DGKI: variants seen among roughly 807,000 people sequenced by gnomAD.
DGKI encodes diacylglycerol kinase iota, also known as DAG kinase iota.
A neutral mutation model predicts 147.5 loss-of-function variants in DGKI; 55 were observed. The ratio of observed to expected loss-of-function variants is 0.37; its 90% confidence interval spans 0.30 to 0.47. The LOEUF is 0.47. DGKI is among the 20% of genes least tolerant of loss of function. The pLI is 1.00. For missense variants in DGKI, 1,007 were observed against 1,323.8 expected (o/e 0.76, Z 3.71); for synonymous variants, 469 against 477.1 (o/e 0.98, Z 0.22).
At chr7:137,747,088 T>A (rs1371537037) in intron 1 of DGKI, among the ~76,000 whole-genome samples, 1 of 152,168 alleles carries the variant, frequency 6.6e-6, no homozygotes, top group Non-Finnish European at 1.5e-5. Flanking sequence ...TAATTTAGGT[T>A]TTTTTAAAAA....
At chr7:137,753,299 C>T (rs1191636263) in intron 1 of DGKI, among the ~76,000 whole-genome samples, 2 of 152,188 alleles carry the variant, frequency 1.3e-5, no homozygotes, top group Non-Finnish European at 2.9e-5. Context: ...GACAGAGAGT[C>T]TCTGGTGCTA....
chr7:137,397,916 A>G (rs1811611011), intron 30 of DGKI, among the ~76,000 whole-genome samples: 3 of 152,190 alleles, frequency 2.0e-5, no homozygotes, highest in Admixed American at 2.0e-4. Context: ...ATATACATCA[A>G]ATGACTATAG....
At chr7:137,505,361 A>C (rs777970841) in intron 21 of DGKI, among the ~76,000 whole-genome samples, 17 of 152,110 alleles carry the variant, frequency 1.1e-4, no homozygotes, top group Non-Finnish European at 1.8e-4. Flanking sequence ...CACCAGATCA[A>C]TAATCAGATC....
chr7:137,692,483 T>G (rs184540737), intron 1 of DGKI, among the ~76,000 whole-genome samples: 1 of 152,314 alleles, frequency 6.6e-6, no homozygotes, highest in East Asian at 1.9e-4. Flanking sequence ...AAAAAATTTT[T>G]TTAAGAGAGG....
intron 30 of DGKI, among the ~76,000 whole-genome samples, chr7:137,399,316 C>G (rs1271284769): frequency 2.0e-5 from 3 of 151,770 alleles, no homozygotes; most frequent in Non-Finnish European, 4.4e-5. Context: ...TTGTATCCTT[C>G]TAGCACCTAC....
chr7:137,495,184 A>G (rs1815916570), intron 21 of DGKI, among the ~76,000 whole-genome samples: 1 of 152,086 alleles, frequency 6.6e-6, no homozygotes, highest in South Asian at 2.1e-4. Context: ...CACAAGCTAG[A>G]AAAACAGGAA....
rs181399447 is a variant in DGKI at position 137,503,820 on chromosome 7, A to G, written c.2249-16131T>C. On this transcript the variant is annotated intron_variant, in intron 21 of 32. Coordinates refer to ENST00000614521, the MANE Select transcript of DGKI (RefSeq NM_001321708.2). Reference sequence around the variant, plus strand: ...TGAAGATTAAGTCCTACCTATAAAAACCATCCTATATTCACTCCTCTAAGC... The same window carrying G: ...TGAAGATTAAGTCCTACCTATAAAAGCCATCCTATATTCACTCCTCTAAGC... Among the ~76,000 whole-genome samples the G allele has an allele frequency of 3.6e-3, 545 of 152,188 alleles. 4 individuals are homozygous for G. Among genetic ancestry groups the G allele is most frequent in the Admixed American group, 5.0e-3 (76 of 15,268 alleles).
At chr7:137,612,908 G>T (rs1035797103) in intron 8 of DGKI, among the ~76,000 whole-genome samples, 1 of 152,002 alleles carries the variant, frequency 6.6e-6, no homozygotes, top group Non-Finnish European at 1.5e-5. Flanking sequence ...AACAGCAGTC[G>T]CCCCCTAGAC....
chr7:137,473,013 T>TACA (rs1815040004), intron 23 of DGKI, among the ~76,000 whole-genome samples: 1 of 152,072 alleles, frequency 6.6e-6, no homozygotes, highest in African/African-American at 2.4e-5. Context: ...TACAGAAAAT[T>TACA]GGATGTTATT....
chr7:137,661,180 G>A (rs181924981), intron 3 of DGKI, among the ~76,000 whole-genome samples: 104 of 152,150 alleles, frequency 6.8e-4, no homozygotes, highest in Admixed American at 4.8e-3. Context: ...TGCCCACCTC[G>A]ACAGGTGGAA....
At chr7:137,432,749 G>T (rs920045952) in intron 28 of DGKI, among the ~76,000 whole-genome samples, 20 of 152,132 alleles carry the variant, frequency 1.3e-4, no homozygotes, top group African/African-American at 4.8e-4. Context: ...GTACTACCTT[G>T]CCTGCTCATC....
chr7:137,480,660 A>G (rs1236003985), intron 23 of DGKI, among the ~76,000 whole-genome samples: 1 of 152,124 alleles, frequency 6.6e-6, no homozygotes, highest in East Asian at 1.9e-4. Flanking sequence ...AAGGCTTTTC[A>G]ATAATGTTTT....
At chr7:137,637,895 T>G (rs1465696779) in intron 6 of DGKI, among the ~76,000 whole-genome samples, 2 of 152,210 alleles carry the variant, frequency 1.3e-5, no homozygotes, top group African/African-American at 4.8e-5. Flanking sequence ...CAATATTTCA[T>G]GTCTGTTTGA....
intron 7 of DGKI, among the ~76,000 whole-genome samples, chr7:137,622,195 G>A (rs1387261261): frequency 6.8e-6 from 1 of 147,476 alleles, no homozygotes; most frequent in Non-Finnish European, 1.5e-5. Flanking sequence ...ACATGTAGGA[G>A]GCTAGAGATA....
chr7:137,622,004 A>G (rs1455225340), intron 7 of DGKI, among the ~76,000 whole-genome samples: 1 of 152,238 alleles, frequency 6.6e-6, no homozygotes, highest in Non-Finnish European at 1.5e-5. Context: ...TTCATTCAAT[A>G]ACTAGGATGG....
chr7:137,419,444 C>A (rs962071216), intron 28 of DGKI, among the ~76,000 whole-genome samples: 1 of 152,190 alleles, frequency 6.6e-6, no homozygotes, highest in African/African-American at 2.4e-5. Flanking sequence ...ATAGCCTTTG[C>A]TGTATTTACC....
rs374412162 is a variant in DGKI at position 137,721,011 on chromosome 7, T to C, written c.402-31009A>G. On this transcript the variant is annotated intron_variant, in intron 1 of 32. Transcript: ENST00000614521. ...TATGAATAGACTTACATAAAACAAA[T>C]CATAGGATACCTTTTTGCATAACAA... Among the ~76,000 whole-genome samples the C allele has an allele frequency of 1.9e-4, 29 of 152,328 alleles. No homozygotes were observed. In the South Asian group the frequency reaches 5.8e-3, roughly 31 times the overall value.
At chr7:137,615,728 T>C (rs1820509059) in intron 8 of DGKI, among the ~76,000 whole-genome samples, 2 of 152,264 alleles carry the variant, frequency 1.3e-5, no homozygotes, top group African/African-American at 4.8e-5. Flanking sequence ...CTACAAACTA[T>C]AGTTTTTACT....
intron 20 of DGKI, among the ~76,000 whole-genome samples, chr7:137,530,602 T>C (rs1817306274): frequency 6.6e-6 from 1 of 152,204 alleles, no homozygotes. Context: ...ATGTTTAATA[T>C]GAGGTTTTCA....
Sources: allele counts gnomAD v4.1 joint callset (sites outside exome capture counted in the v4.1 genomes callset), GRCh38; gene constraint gnomAD v4.1.1; transcripts MANE v1.5; gene names NCBI Gene and HGNC (gene_info 2026-07-23, HGNC 2026-07-21).